Variants in CDH2 observed in about 807,000 individuals in gnomAD.
CDH2 encodes cadherin 2.
A neutral mutation model predicts 92.0 loss-of-function variants in CDH2; 17 were observed. The ratio of observed to expected loss-of-function variants is 0.18; its 90% CI spans 0.13 to 0.28. The LOEUF (loss-of-function observed/expected upper bound fraction) is 0.28. Ranked by LOEUF, CDH2 falls within the 10% of genes least tolerant of loss-of-function variation. CDH2 has a pLI of 1.00. For synonymous variants in CDH2, 419 were observed against 415.9 expected, an observed-to-expected ratio of 1.01 and a Z score of -0.09; for missense variants, 862 against 1,133.1, an observed-to-expected ratio of 0.76 and a Z score of 3.44.
At chr18:28,164,651 AAC>A (rs1007017882) in intron 1 of CDH2, among the ~76,000 whole-genome samples, 2 of 132,434 alleles carry the variant, frequency 1.5e-5, no homozygotes, top group South Asian at 2.2e-4. Flanking sequence ...CTAGTCTCAA[AAC>A]ACACACACAC....
chr18:27,969,016 A>C (rs1180964444), intron 14 of CDH2, among the ~76,000 whole-genome samples: 2 of 152,220 alleles, frequency 1.3e-5, no homozygotes, highest in Admixed American at 6.5e-5. Context: ...GCTGACAAGT[A>C]AGTCAAATAT....
intron 12 of CDH2, 143 bp downstream of exon 12, chr18:27,985,385 G>T (rs758005031): frequency 3.8e-6 from 3 of 786,798 alleles, no homozygotes; most frequent in South Asian, 1.9e-5. Flanking sequence ...GGCCGTAAAG[G>T]CCTTTAATAT....
intron 11 of CDH2, among the ~76,000 whole-genome samples, chr18:27,987,718 T>A: frequency 6.6e-6 from 1 of 152,188 alleles, no homozygotes; most frequent in East Asian, 1.9e-4. Context: ...TTCATATATA[T>A]GTAGAAGTCA....
intron 14 of CDH2, among the ~76,000 whole-genome samples, chr18:27,972,555 G>A (rs2011693043): frequency 6.6e-6 from 1 of 152,148 alleles, no homozygotes; most frequent in African/African-American, 2.4e-5. Context: ...GAACAAATAT[G>A]CAACAATGCT....
intron 14 of CDH2, among the ~76,000 whole-genome samples, chr18:27,976,475 T>C (rs1443503314): frequency 6.6e-6 from 1 of 152,206 alleles, no homozygotes; most frequent in Admixed American, 6.5e-5. Flanking sequence ...CAAATTCGCA[T>C]GGCATTCCAA....
intron 2 of CDH2, among the ~76,000 whole-genome samples, chr18:28,103,033 G>A (rs926545036): frequency 3.3e-5 from 5 of 151,168 alleles, no homozygotes; most frequent in Admixed American, 6.6e-5. Context: ...GTTTTCACTA[G>A]TTACTTAACA....
chr18:27,933,379 T>G (rs1908946915), intron 6 of CDH2, among the ~76,000 whole-genome samples: 1 of 152,162 alleles, frequency 6.6e-6, no homozygotes, highest in African/African-American at 2.4e-5. Context: ...CCTCTTTACT[T>G]TCAACTATTC....
chr18:28,097,581 T>G (rs1211800316), intron 2 of CDH2, among the ~76,000 whole-genome samples: 2 of 152,110 alleles, frequency 1.3e-5, no homozygotes, highest in South Asian at 2.1e-4. Context: ...AAAACAATAT[T>G]GCAAAAAGTA....
chr18:28,094,469 C>T (rs1419250380), intron 2 of CDH2, among the ~76,000 whole-genome samples: 1 of 151,692 alleles, frequency 6.6e-6, no homozygotes. Flanking sequence ...GCCTGGGAGA[C>T]AGAGTTAGAC....
At chr18:27,962,795 T>C (rs984843348) in intron 15 of CDH2, among the ~76,000 whole-genome samples, 1 of 152,216 alleles carries the variant, frequency 6.6e-6, no homozygotes, top group Non-Finnish European at 1.5e-5. Context: ...TCATATCTGT[T>C]ATATGCAACA....
chr18:27,961,077 A>C (rs1312955109), intron 15 of CDH2, among the ~76,000 whole-genome samples: 3 of 151,938 alleles, frequency 2.0e-5, no homozygotes, highest in Admixed American at 1.3e-4. Context: ...CACACAAACA[A>C]ACACACACTC....
In CDH2 at chr18:28,003,098, T is replaced by C; in HGVS notation, c.919A>G (p.Arg307Gly). The change falls in exon 7 of 16, where the codon AGA becomes GGA. Residue 307 changes from arginine to glycine, a missense_variant. By Grantham distance (125) the Arg-to-Gly change is moderately radical (BLOSUM62 -2). Coordinates refer to ENST00000269141, the MANE Select transcript of CDH2 (RefSeq NM_001792.5). Reference sequence around the variant, plus strand: ...GTGCTTGGAGCCTGAGACACGATTCTGTACCTCAACATCCCATTGAGGGCA... The same window carrying C: ...GTGCTTGGAGCCTGAGACACGATTCCGTACCTCAACATCCCATTGAGGGCA... ...PNALNGMLRY[R>G]IVSQAPSTPS... 6.2e-7 allele frequency: 1 copy of C among 1,613,830 alleles called. No homozygotes were observed. Among genetic ancestry groups the C allele is most frequent in the South Asian group, 1.1e-5 (1 of 91,068 alleles).
intron 2 of CDH2, among the ~76,000 whole-genome samples, chr18:28,063,629 C>T (rs1216200289): frequency 6.6e-6 from 1 of 152,166 alleles, no homozygotes; most frequent in African/African-American, 2.4e-5. Flanking sequence ...AACTAAATGT[C>T]AGCAGGAGGC....
intron 13 of CDH2, 47 bp downstream of exon 13, chr18:27,984,953 C>G: frequency 6.8e-7 from 1 of 1,467,982 alleles, no homozygotes; most frequent in Non-Finnish European, 9.5e-7. Flanking sequence ...GCTGAACATC[C>G]TAGAAGCCAA....
chr18:27,962,591 A>G (rs1406360238), intron 15 of CDH2, among the ~76,000 whole-genome samples: 2 of 152,288 alleles, frequency 1.3e-5, no homozygotes, highest in Middle Eastern at 3.4e-3. Flanking sequence ...AGAAAACAGG[A>G]GTTCTGCCAT....
chr18:27,973,552 C>G (rs2011727767), intron 14 of CDH2, among the ~76,000 whole-genome samples: 1 of 152,124 alleles, frequency 6.6e-6, no homozygotes, highest in Non-Finnish European at 1.5e-5. Flanking sequence ...TGCCAAGGGA[C>G]CTACTTCCCT....
chr18:28,131,583 C>A (rs953386508), intron 2 of CDH2, among the ~76,000 whole-genome samples: 1 of 151,454 alleles, frequency 6.6e-6, no homozygotes. Flanking sequence ...ATGAGAAAAC[C>A]AAAATATTAT....
At chr18:28,126,856 C>T (rs2015685744) in intron 2 of CDH2, among the ~76,000 whole-genome samples, 1 of 152,110 alleles carries the variant, frequency 6.6e-6, no homozygotes. Flanking sequence ...AAGTAGTCTC[C>T]AGAGAAACAG....
intron 14 of CDH2, among the ~76,000 whole-genome samples, chr18:27,970,381 C>T (rs543437734): frequency 1.6e-4 from 25 of 152,312 alleles, no homozygotes; most frequent in African/African-American, 5.5e-4. Context: ...GCCACTCTAT[C>T]TCAGCATGAC....
Sources: gnomAD v4.1 joint callset for allele counts (sites outside exome capture counted in the v4.1 genomes callset) on GRCh38, gnomAD v4.1.1 for gene constraint, MANE v1.5 for transcripts, NCBI Gene and HGNC (gene_info 2026-07-23, HGNC 2026-07-21) for gene names.